ENPP3: variants seen among roughly 807,000 people sequenced by gnomAD.
ENPP3 encodes the protein ectonucleotide pyrophosphatase/phosphodiesterase family member 3.
A neutral mutation model predicts 117.8 loss-of-function variants in ENPP3; 104 were observed. The observed-to-expected ratio is 0.88, with a 90% CI of 0.75 to 1.04. The LOEUF is 1.04. ENPP3 is among the 50% of genes least tolerant of loss of function. The pLI is 0.00. For synonymous variants in ENPP3, 380 were observed against 349.9 expected (o/e 1.09, Z -0.96); for missense variants, 1,026 against 1,051.9 (o/e 0.98, Z 0.34).
chr6:131,729,630 T>A (rs1780232528), intron 20 of ENPP3, among the ~76,000 whole-genome samples: 1 of 152,178 alleles, frequency 6.6e-6, no homozygotes, highest in Admixed American at 6.5e-5. Context: ...GGATTGAAGC[T>A]GTTTATGTGT....
At chr6:131,689,954 G>A (rs986632096) in intron 14 of ENPP3, among the ~76,000 whole-genome samples, 1 of 152,150 alleles carries the variant, frequency 6.6e-6, no homozygotes, top group South Asian at 2.1e-4. Context: ...AAAATAGAAA[G>A]AGAACTAGAA....
In ENPP3 at chr6:131,637,461, T is replaced by C; in HGVS notation, c.77T>C (p.Ile26Thr). The C allele has an allele frequency of 6.6e-7, 1 of 1,522,034 alleles. No individual in the cohort carries two copies. Among genetic ancestry groups the C allele is most frequent in the Non-Finnish European group, 9.0e-7 (1 of 1,109,212 alleles). The allele number at this position is 1,522,034 out of a possible 1,614,324, so 94.3% of individuals were successfully genotyped here. The change falls in exon 1 of 25, where the codon ATT becomes ACT. Residue 26 changes from isoleucine (I) to threonine (T), a missense_variant and splice_region_variant. Ile to Thr is a moderately conservative substitution (Grantham distance 89). Transcript: ENST00000357639. ...CTTAAGAAATATAAAATAGCTTGCA[T>C]TGTAAGTACAATTCTTATTTTTAGT... ...NTLKKYKIAC[I>T]VLLALLVIMS...
chr6:131,710,978 G>C lies in ENPP3; in HGVS notation c.1413-7694G>C, dbSNP rs780150813. ...ACTCTGCCTAGCTCCTCCAGGACCA[G>C]CCCCAGGTAGGGCTGAGGGGTAGCA... On this transcript the variant is annotated intron_variant, in intron 15 of 24. Transcript: ENST00000357639. 2 of 1,566,366 alleles carry C rather than the reference G, an allele frequency of 1.3e-6. 1 individual carries two copies. The highest frequency in any genetic ancestry group is 3.7e-5 in the Admixed American group (2 of 53,850).
chr6:131,696,769 CTTTT>C (rs71710247), intron 15 of ENPP3, among the ~76,000 whole-genome samples: 1 of 133,036 alleles, frequency 7.5e-6, no homozygotes, highest in Non-Finnish European at 1.6e-5. Flanking sequence ...CCCAGAGCAC[CTTTT>C]TTTTTTTTTT....
intron 5 of ENPP3, 73 bp downstream of exon 5, chr6:131,652,964 C>A: frequency 1.0e-6 from 1 of 995,880 alleles, no homozygotes; most frequent in Non-Finnish European, 1.6e-6. Flanking sequence ...TTAGTTGAGA[C>A]GCAGAGAGGA....
chr6:131,721,584 C>G (rs1484977771), intron 17 of ENPP3, among the ~76,000 whole-genome samples: 1 of 151,622 alleles, frequency 6.6e-6, no homozygotes, highest in Non-Finnish European at 1.5e-5. Context: ...TTGTATGTTT[C>G]TATGAAACAT....
At chr6:131,738,930 GTGTTGAA>G (rs1179596755) in intron 23 of ENPP3, among the ~76,000 whole-genome samples, 20 of 152,074 alleles carry the variant, frequency 1.3e-4, no homozygotes, top group African/African-American at 1.9e-4. Context: ...CCTTATTTCA[GTGTTGAA>G]TGAATACTGA....
intron 6 of ENPP3, among the ~76,000 whole-genome samples, chr6:131,667,320 C>G (rs918827230): frequency 2.6e-5 from 4 of 152,076 alleles, no homozygotes; most frequent in Non-Finnish European, 4.4e-5. Context: ...TGGGCAGTCC[C>G]TGGTAAAGTT....
At chr6:131,669,008 T>G (rs1778682716) in intron 6 of ENPP3, among the ~76,000 whole-genome samples, 1 of 152,200 alleles carries the variant, frequency 6.6e-6, no homozygotes, top group Non-Finnish European at 1.5e-5. Context: ...TGCCATGCTT[T>G]TACAATACCG....
chr6:131,689,816 A>G (rs1426318984), intron 14 of ENPP3, among the ~76,000 whole-genome samples: 1 of 152,232 alleles, frequency 6.6e-6, no homozygotes, highest in Non-Finnish European at 1.5e-5. Flanking sequence ...ACCATTAAAA[A>G]CATTTGTGAT....
chr6:131,644,790 G>A (rs1438870337), intron 2 of ENPP3, among the ~76,000 whole-genome samples: 1 of 152,128 alleles, frequency 6.6e-6, no homozygotes, highest in African/African-American at 2.4e-5. Flanking sequence ...ATGAGACTGG[G>A]GTAGAACAAC....
chr6:131,687,318 C>G (rs1335217461), intron 14 of ENPP3, among the ~76,000 whole-genome samples: 1 of 152,096 alleles, frequency 6.6e-6, no homozygotes, highest in Non-Finnish European at 1.5e-5. Context: ...GCCACATGAA[C>G]ATTGAAGCTG....
intron 15 of ENPP3, among the ~76,000 whole-genome samples, chr6:131,711,168 C>T (rs1474016918): frequency 6.6e-6 from 1 of 151,610 alleles, no homozygotes; most frequent in African/African-American, 2.4e-5. Context: ...AGCTGGGGAA[C>T]GCGGGCACCC....
intron 24 of ENPP3, among the ~76,000 whole-genome samples, chr6:131,744,204 C>T (rs1225418136): frequency 6.6e-6 from 1 of 152,180 alleles, no homozygotes; most frequent in Non-Finnish European, 1.5e-5. Context: ...TTGTCCTTTC[C>T]TTGTTCCTTT....
chr6:131,638,524 C>A (rs781510113), intron 1 of ENPP3: 1 of 449,502 alleles, frequency 2.2e-6, no homozygotes, highest in South Asian at 1.6e-5. Context: ...CTGCCTCAGC[C>A]TCCTGAGTAG....
chr6:131,697,137 T>G (rs1779425893), intron 15 of ENPP3, among the ~76,000 whole-genome samples: 1 of 152,186 alleles, frequency 6.6e-6, no homozygotes, highest in Non-Finnish European at 1.5e-5. Flanking sequence ...GGTTTCCAGA[T>G]GGAAGAACTA....
chr6:131,710,551 T>G, intron 15 of ENPP3: 6 of 1,612,556 alleles, frequency 3.7e-6, no homozygotes, highest in Non-Finnish European at 5.1e-6. Context: ...TTTAGATTTC[T>G]CTTCTTTTAA....
At chr6:131,649,075 T>A (rs1016647618) in intron 2 of ENPP3, among the ~76,000 whole-genome samples, 2 of 152,234 alleles carry the variant, frequency 1.3e-5, no homozygotes, top group African/African-American at 2.4e-5. Context: ...TATATAAAGC[T>A]GAACTGAAAC....
intron 6 of ENPP3, among the ~76,000 whole-genome samples, chr6:131,662,720 A>G (rs1778529572): frequency 1.3e-5 from 2 of 152,102 alleles, no homozygotes; most frequent in South Asian, 4.1e-4. Context: ...CTATTTCTGT[A>G]ATAAATGTCA....
Sources: allele counts gnomAD v4.1 joint callset (sites outside exome capture counted in the v4.1 genomes callset), GRCh38; gene constraint gnomAD v4.1.1; transcripts MANE v1.5; gene names NCBI Gene and HGNC (gene_info 2026-07-23, HGNC 2026-07-21).